FANCC: variants seen among roughly 807,000 people sequenced by gnomAD.
FANCC encodes the protein Fanconi anemia group C protein.
FANCC carries 55 observed loss-of-function variants against 71.3 expected under a neutral mutation model. The observed-to-expected ratio is 0.77, with a 90% confidence interval of 0.62 to 0.97. FANCC has a LOEUF of 0.97. FANCC is among the 50% of genes least tolerant of loss of function. FANCC has a pLI of 0.00. For synonymous variants in FANCC, 275 were observed against 244.9 expected (o/e 1.12, Z -1.15); for missense variants, 678 against 670.9 (o/e 1.01, Z -0.12).
chr9:95,216,924 G>GA (rs994894208), intron 4 of FANCC, among the ~76,000 whole-genome samples: 170 of 150,952 alleles, frequency 1.1e-3, no homozygotes, highest in African/African-American at 3.9e-3. Flanking sequence ...AAAAAGGAAG[G>GA]AAAAAAAAAT....
chr9:95,264,397 C>A (rs1236346700), intron 1 of FANCC, among the ~76,000 whole-genome samples: 4 of 152,096 alleles, frequency 2.6e-5, no homozygotes, highest in Non-Finnish European at 5.9e-5. Flanking sequence ...TTGATAGAAA[C>A]CCCTGTAGCT....
intron 4 of FANCC, among the ~76,000 whole-genome samples, chr9:95,208,079 T>C: frequency 7.7e-4 from 1 of 1,304 alleles, no homozygotes; most frequent in East Asian, 0.023. Context: ...CCAGAAGCCT[T>C]TTTTTTTTTT....
At chr9:95,162,590 C>T (rs1830817054) in intron 6 of FANCC, among the ~76,000 whole-genome samples, 4 of 152,158 alleles carry the variant, frequency 2.6e-5, no homozygotes, top group Admixed American at 2.6e-4. Flanking sequence ...ACAAGGGTTC[C>T]AAGTACTCCA....
chr9:95,162,511 AT>A (rs1047775675), intron 6 of FANCC, among the ~76,000 whole-genome samples: 1 of 152,128 alleles, frequency 6.6e-6, no homozygotes, highest in Admixed American at 6.5e-5. Context: ...TCTATTTTTA[AT>A]TTTTTAAGGA....
intron 7 of FANCC, chr9:95,145,150 A>G (rs1401419343): frequency 6.6e-6 from 1 of 152,250 alleles, no homozygotes; most frequent in Non-Finnish European, 1.5e-5. Context: ...TAAGAGTTAT[A>G]GATTTAAAAA....
chr9:95,205,795 C>G (rs1048493460), intron 4 of FANCC, among the ~76,000 whole-genome samples: 4 of 151,842 alleles, frequency 2.6e-5, no homozygotes, highest in African/African-American at 4.8e-5. Flanking sequence ...AGTAGAAGAA[C>G]AAAACAGGCT....
chr9:95,227,284 T>C (rs1472972957), intron 4 of FANCC, among the ~76,000 whole-genome samples: 1 of 152,208 alleles, frequency 6.6e-6, no homozygotes, highest in Non-Finnish European at 1.5e-5. Flanking sequence ...CGTCCTGGCC[T>C]ACTGCTGCAC....
chr9:95,245,190 C>T (rs1171277960), intron 3 of FANCC, among the ~76,000 whole-genome samples: 1 of 152,156 alleles, frequency 6.6e-6, no homozygotes, highest in African/African-American at 2.4e-5. Context: ...GGTCATTCAA[C>T]AATTTCTTTT....
At chr9:95,131,323 T>C (rs964364767) in intron 8 of FANCC, among the ~76,000 whole-genome samples, 3 of 152,230 alleles carry the variant, frequency 2.0e-5, no homozygotes, top group Admixed American at 2.0e-4. Context: ...TAGCCCAAGC[T>C]GGAAGAAAGC....
At chr9:95,128,427 G>T (rs1420204437) in intron 8 of FANCC, among the ~76,000 whole-genome samples, 2 of 152,184 alleles carry the variant, frequency 1.3e-5, no homozygotes, top group African/African-American at 4.8e-5. Context: ...ACTTGAAAAT[G>T]GTAAAATTAA....
At chr9:95,298,900 G>A (rs1253212874) in intron 1 of FANCC, among the ~76,000 whole-genome samples, 2 of 152,178 alleles carry the variant, frequency 1.3e-5, no homozygotes, top group Non-Finnish European at 2.9e-5. Context: ...GCCATATCAG[G>A]ACAGCACAGA....
chr9:95,248,604 TAAAA>T (rs1445649576), intron 2 of FANCC, among the ~76,000 whole-genome samples: 2 of 152,154 alleles, frequency 1.3e-5, no homozygotes, highest in Non-Finnish European at 2.9e-5. Context: ...TGCTAAATCA[TAAAA>T]ATATCTATCA....
At position 95,146,078 on chromosome 9, in the gene FANCC, T is replaced by C. The variant is rs1738151630; in HGVS notation, c.686+3845A>G. On this transcript the variant is annotated intron_variant, in intron 7 of 14. Transcript: ENST00000289081. ...ATATGTGATGATGATAAGGAACTAA[T>C]GTCAATTTTAAGATGTAATAATGGT... 3.3e-5 allele frequency among the ~76,000 whole-genome samples: 5 copies of C among 152,186 alleles called. No individual in the cohort carries two copies. The South Asian group carries it at 1.0e-3, about 31-fold the overall frequency.
At chr9:95,189,371 A>G (rs142409295) in intron 4 of FANCC, among the ~76,000 whole-genome samples, 50 of 152,340 alleles carry the variant, frequency 3.3e-4, no homozygotes, top group Middle Eastern at 3.4e-3. Flanking sequence ...GCTCATTCAC[A>G]GACCCTCCCA....
intron 3 of FANCC, among the ~76,000 whole-genome samples, chr9:95,247,215 G>GTT (rs1831039527): frequency 2.7e-5 from 4 of 149,084 alleles, no homozygotes; most frequent in South Asian, 4.6e-4. Flanking sequence ...GTGCACGCGT[G>GTT]TGTGTGTGTG....
intron 6 of FANCC, among the ~76,000 whole-genome samples, chr9:95,163,373 T>C (rs1218037540): frequency 6.6e-6 from 1 of 152,264 alleles, no homozygotes; most frequent in Non-Finnish European, 1.5e-5. Context: ...AGTATGAGGC[T>C]TCCACCTTGT....
At chr9:95,191,913 T>G (rs986925231) in intron 4 of FANCC, among the ~76,000 whole-genome samples, 1 of 151,920 alleles carries the variant, frequency 6.6e-6, no homozygotes, top group African/African-American at 2.4e-5. Flanking sequence ...CAGCCTCCAG[T>G]CTCGTTTTTC....
chr9:95,312,219 T>A (rs1195612775), intron 1 of FANCC, among the ~76,000 whole-genome samples: 1 of 152,164 alleles, frequency 6.6e-6, no homozygotes, highest in African/African-American at 2.4e-5. Flanking sequence ...TTCAAGAAAA[T>A]GAACAGACTA....
chr9:95,109,585 G>C (rs755604121), intron 13 of FANCC: 3 of 152,082 alleles, frequency 2.0e-5, no homozygotes, highest in African/African-American at 7.2e-5. Context: ...TGGTGGAAAG[G>C]GTGGCTTGCC....
Sources: allele counts gnomAD v4.1 joint callset (sites outside exome capture counted in the v4.1 genomes callset), GRCh38; gene constraint gnomAD v4.1.1; transcripts MANE v1.5; gene names NCBI Gene and HGNC (gene_info 2026-07-23, HGNC 2026-07-21).